The following TRPM3 variants were observed in gnomAD, a reference collection of about 807,000 sequenced individuals.
The protein encoded by TRPM3 is long transient receptor potential channel 3.
TRPM3 carries 77 observed loss-of-function variants against 181.2 expected under a neutral mutation model. That is an observed-to-expected ratio of 0.42 (90% CI 0.35 to 0.51). TRPM3 has a LOEUF of 0.51. Ranked by LOEUF, TRPM3 falls within the 20% of genes least tolerant of loss-of-function variation. The pLI is 0.01. For synonymous variants in TRPM3, 745 were observed against 796.4 expected, an observed-to-expected ratio of 0.94 and a Z score of 1.09; for missense variants, 1,759 against 2,196.7, an observed-to-expected ratio of 0.80 and a Z score of 3.98.
At chr9:71,320,619 T>G (rs2089130718) in intron 1 of TRPM3, among the ~76,000 whole-genome samples, 1 of 152,190 alleles carries the variant, frequency 6.6e-6, no homozygotes, top group Non-Finnish European at 1.5e-5. Flanking sequence ...GTATAAATAC[T>G]GAAGTTCCTC....
intron 6 of TRPM3, among the ~76,000 whole-genome samples, chr9:70,785,513 A>G (rs1413030329): frequency 6.6e-6 from 1 of 152,214 alleles, no homozygotes; most frequent in Non-Finnish European, 1.5e-5. Flanking sequence ...TATCTTAAAA[A>G]AGAAATAATC....
chr9:71,039,651 CA>C (rs2058606720), intron 1 of TRPM3, among the ~76,000 whole-genome samples: 1 of 152,102 alleles, frequency 6.6e-6, no homozygotes. Context: ...TAGACATAAA[CA>C]GGTCCCAATT....
intron 1 of TRPM3, among the ~76,000 whole-genome samples, chr9:71,229,896 A>G (rs1284857774): frequency 2.0e-5 from 3 of 152,166 alleles, no homozygotes; most frequent in Non-Finnish European, 4.4e-5. Flanking sequence ...AAAACTAAAA[A>G]TAGAACTACC....
At chr9:70,800,260 A>C (rs1411078771) in intron 6 of TRPM3, among the ~76,000 whole-genome samples, 2 of 152,224 alleles carry the variant, frequency 1.3e-5, no homozygotes, top group Non-Finnish European at 2.9e-5. Context: ...GTAGTGGATG[A>C]TTTAATGTAA....
intron 22 of TRPM3, among the ~76,000 whole-genome samples, chr9:70,559,428 T>C (rs1032282368): frequency 6.6e-6 from 1 of 152,116 alleles, no homozygotes; most frequent in African/African-American, 2.4e-5. Flanking sequence ...GATTTTTTGG[T>C]TTTTGGTTTT....
chr9:70,747,414 G>C (rs907969889), intron 8 of TRPM3, among the ~76,000 whole-genome samples: 2 of 152,232 alleles, frequency 1.3e-5, no homozygotes, highest in Non-Finnish European at 2.9e-5. Flanking sequence ...AAAAATGACT[G>C]TAAGGAGATC....
chr9:71,143,792 T>A lies in TRPM3; in HGVS notation c.184-279281A>T, dbSNP rs532845546. On this transcript the variant is annotated intron_variant, in intron 1 of 24. Transcript: ENST00000357533. ...TGTCTTCCACAATGGCTGAACTAAT[T>A]TACACTCTCACCAACAGTGTATAAG... Among the ~76,000 whole-genome samples, 126 of 152,264 alleles carry A rather than the reference T, an allele frequency of 8.3e-4. 1 individual carries two copies. Among genetic ancestry groups the A allele is most frequent in the African/African-American group, 2.4e-3 (98 of 41,554 alleles).
chr9:70,537,332 C>A lies in TRPM3; in HGVS notation c.3781G>T (p.Val1261Leu). Reference protein sequence around the residue: ...EHSMKASLQTVDIRLAQLEDL... With the variant: ...EHSMKASLQTLDIRLAQLEDL... ...TCCAGCTGCGCCAGCCGGATGTCCACGGTCTGGAGTGAAGCCTTCATGGAG... is the reference window on the plus strand; with the variant it reads ...TCCAGCTGCGCCAGCCGGATGTCCAAGGTCTGGAGTGAAGCCTTCATGGAG... Residue 1261 changes from valine (V) to leucine (L), a missense_variant, in exon 26 of 26, where the codon GTG (valine) becomes TTG (leucine). Physicochemically the swap from Val to Leu is conservative, Grantham distance 32 (BLOSUM62 1). Coordinates refer to ENST00000677713, the MANE Select transcript of TRPM3 (RefSeq NM_001366145.2). 4.6e-6 allele frequency: 7 copies of A among 1,519,708 alleles called. No homozygotes were observed. The highest frequency in any genetic ancestry group is 6.2e-6 in the Non-Finnish European group (7 of 1,131,944). 94.1% of individuals were successfully genotyped at this position (1,519,708 alleles called of 1,614,324 possible). A position where few individuals can be genotyped will look rare whatever the true frequency, so the allele number is the denominator to read the frequency against.
At chr9:71,207,722 G>GTT in intron 1 of TRPM3, among the ~76,000 whole-genome samples, 1 of 152,244 alleles carries the variant, frequency 6.6e-6, no homozygotes, top group South Asian at 2.1e-4. Flanking sequence ...GAACTTTAAA[G>GTT]TATTTCTGAA....
chr9:70,828,967 A>T (rs1343451439), intron 5 of TRPM3, among the ~76,000 whole-genome samples: 1 of 152,164 alleles, frequency 6.6e-6, no homozygotes, highest in African/African-American at 2.4e-5. Context: ...TGGAAACATA[A>T]GATGATGGGT....
chr9:71,095,722 G>A (rs939212018), intron 1 of TRPM3, among the ~76,000 whole-genome samples: 2 of 134,950 alleles, frequency 1.5e-5, no homozygotes, highest in African/African-American at 5.7e-5. Flanking sequence ...TTGCGTGACT[G>A]CACTCCAGCC....
At chr9:71,404,231 A>C (rs1337199540) in intron 1 of TRPM3, among the ~76,000 whole-genome samples, 3 of 152,200 alleles carry the variant, frequency 2.0e-5, no homozygotes, top group East Asian at 3.8e-4. Context: ...AATACTAGTT[A>C]TTGTTACTGA....
chr9:71,178,769 G>T (rs796158818), intron 1 of TRPM3, among the ~76,000 whole-genome samples: 2 of 152,016 alleles, frequency 1.3e-5, no homozygotes, highest in Non-Finnish European at 2.9e-5. Context: ...CTAACTAAAC[G>T]TGACGCACAA....
intron 1 of TRPM3, among the ~76,000 whole-genome samples, chr9:70,999,841 G>C (rs142401197): frequency 1.0e-3 from 157 of 152,248 alleles, no homozygotes; most frequent in African/African-American, 3.7e-3. Flanking sequence ...GCATTCCTAC[G>C]GCTTTCAGGA....
intron 1 of TRPM3, among the ~76,000 whole-genome samples, chr9:71,240,608 C>A (rs1441593651): frequency 8.0e-5 from 12 of 150,912 alleles, no homozygotes; most frequent in Admixed American, 7.9e-4. Context: ...CATCAAATAG[C>A]CAGAATCGTT....
At chr9:70,554,160 A>G (rs1191368188) in intron 22 of TRPM3, among the ~76,000 whole-genome samples, 4 of 152,136 alleles carry the variant, frequency 2.6e-5, no homozygotes, top group African/African-American at 9.7e-5. Flanking sequence ...CCTGCTTGGA[A>G]TTTCCGGGTA....
At chr9:71,075,566 A>T (rs1189613253) in intron 1 of TRPM3, among the ~76,000 whole-genome samples, 1 of 152,206 alleles carries the variant, frequency 6.6e-6, no homozygotes, top group Non-Finnish European at 1.5e-5. Context: ...GAATTTAAAT[A>T]TACGTCTGTT....
chr9:71,294,403 T>C (rs2132285802), intron 1 of TRPM3, among the ~76,000 whole-genome samples: 1 of 152,164 alleles, frequency 6.6e-6, no homozygotes, highest in Non-Finnish European at 1.5e-5. Flanking sequence ...GAAATGCAAA[T>C]TAAAATCTCA....
chr9:70,658,973 A>C (rs2060744663), intron 9 of TRPM3, among the ~76,000 whole-genome samples: 1 of 152,006 alleles, frequency 6.6e-6, no homozygotes, highest in South Asian at 2.1e-4. Context: ...TTTTCTTTTG[A>C]GTTATTGACA....
Sources: allele counts gnomAD v4.1 joint callset (sites outside exome capture counted in the v4.1 genomes callset), GRCh38; gene constraint gnomAD v4.1.1; transcripts MANE v1.5; gene names NCBI Gene and HGNC (gene_info 2026-07-23, HGNC 2026-07-21).